Variants in FAM107B observed in about 807,000 individuals in gnomAD.
FAM107B encodes family with sequence similarity 107 member B, also known as protein FAM107B.
Under a neutral mutation model 31.5 loss-of-function variants are expected in FAM107B, and 21 were observed. The observed-to-expected ratio is 0.67, with a 90% CI of 0.47 to 0.96. The LOEUF is 0.96. Ranked by LOEUF, FAM107B falls within the 40% of genes least tolerant of loss-of-function variation. FAM107B has a pLI of 0.00. For missense variants in FAM107B, 452 were observed against 377.1 expected, an observed-to-expected ratio of 1.20 and a Z score of -1.64; for synonymous variants, 157 against 141.5, an observed-to-expected ratio of 1.11 and a Z score of -0.78.
rs1370724780 is a variant in FAM107B, at chr10:14,604,417, G to T, written c.469+63217C>A. 10 of 202,738 alleles carry T rather than the reference G, an allele frequency of 4.9e-5. No individual in the cohort carries two copies. The East Asian group carries it at 1.7e-3, about 35-fold the overall frequency. The allele number at this position is 202,738 out of a possible 1,614,324, so 12.6% of individuals were successfully genotyped here. On this transcript the variant is annotated intron_variant, in intron 2 of 4. Transcript: ENST00000181796. Reference sequence around the variant, plus strand: ...GGCGGCTCTCGCTCCCCGCGGCCCCGCGCGTCCGAATTAAGCGGCGGGGCG... The same window carrying T: ...GGCGGCTCTCGCTCCCCGCGGCCCCTCGCGTCCGAATTAAGCGGCGGGGCG...
chr10:14,591,126 G>C (rs1564590361), intron 2 of FAM107B, among the ~76,000 whole-genome samples: 1 of 151,958 alleles, frequency 6.6e-6, no homozygotes, highest in Non-Finnish European at 1.5e-5. Flanking sequence ...AAAAGACTGA[G>C]CATGAATGTC....
chr10:14,754,504 G>T (rs1445520388), intron 1 of FAM107B, among the ~76,000 whole-genome samples: 1 of 152,144 alleles, frequency 6.6e-6, no homozygotes, highest in Non-Finnish European at 1.5e-5. Flanking sequence ...CCCTCTCCCT[G>T]CTCATCTCTC....
chr10:14,595,864 G>A (rs540123096), intron 2 of FAM107B, among the ~76,000 whole-genome samples: 1 of 152,250 alleles, frequency 6.6e-6, no homozygotes, highest in Admixed American at 6.5e-5. Flanking sequence ...CATCTCACCA[G>A]CGGCACCCCG....
At chr10:14,593,377 AG>A (rs1852081151) in intron 2 of FAM107B, among the ~76,000 whole-genome samples, 1 of 152,212 alleles carries the variant, frequency 6.6e-6, no homozygotes, top group Admixed American at 6.5e-5. Context: ...GGTAGAACCC[AG>A]TGTAACACTA....
intron 2 of FAM107B, among the ~76,000 whole-genome samples, chr10:14,593,563 G>A (rs1016831587): frequency 1.3e-5 from 2 of 151,774 alleles, no homozygotes; most frequent in South Asian, 2.1e-4. Context: ...GCACAGTGGC[G>A]GGCACCTGTA....
chr10:14,743,712 T>C (rs1332789892), intron 1 of FAM107B, among the ~76,000 whole-genome samples: 3 of 152,236 alleles, frequency 2.0e-5, no homozygotes, highest in African/African-American at 7.2e-5. Context: ...CATTGGTCTA[T>C]GTGTCTGTTT....
rs148660541 is a variant in FAM107B, at chr10:14,620,146, G to A, written c.469+47488C>T. Reference sequence around the variant, plus strand: ...CCATTCTCCTGCCTCAGCCTCCTGGGTAGCTGGGACTACAGGCGCGTGCCA... The same window carrying A: ...CCATTCTCCTGCCTCAGCCTCCTGGATAGCTGGGACTACAGGCGCGTGCCA... On this transcript the variant is annotated intron_variant, in intron 2 of 4. Coordinates refer to ENST00000181796, the MANE Select transcript of FAM107B (RefSeq NM_031453.4). 7.5e-3 allele frequency among the ~76,000 whole-genome samples: 1,130 copies of A among 151,658 alleles called. 8 individuals are homozygous for A. The highest frequency in any genetic ancestry group is 0.026 in the African/African-American group (1,093 of 41,342).
intron 2 of FAM107B, among the ~76,000 whole-genome samples, chr10:14,562,827 A>G (rs184639840): frequency 6.6e-6 from 1 of 152,376 alleles, no homozygotes; most frequent in African/African-American, 2.4e-5. Flanking sequence ...AGTCGATTGC[A>G]TGCTAATTTC....
chr10:14,522,854 G>A (rs989998535), intron 3 of FAM107B, among the ~76,000 whole-genome samples: 10 of 152,260 alleles, frequency 6.6e-5, no homozygotes, highest in African/African-American at 1.2e-4. Context: ...AGGTTATACC[G>A]TTACTGAAGG....
chr10:14,751,981 C>A (rs1832836438), intron 1 of FAM107B, among the ~76,000 whole-genome samples: 1 of 152,190 alleles, frequency 6.6e-6, no homozygotes, highest in South Asian at 2.1e-4. Flanking sequence ...TAATCCATGG[C>A]ACCTCCCTTG....
chr10:14,592,478 AGACAACACCTAACAGGT>A (rs1852053221), intron 2 of FAM107B, among the ~76,000 whole-genome samples: 1 of 152,242 alleles, frequency 6.6e-6, no homozygotes, highest in Non-Finnish European at 1.5e-5. Context: ...GGAGAAAAAG[AGACAACACCTAACAGGT>A]GGCTTAGATT....
intron 2 of FAM107B, chr10:14,572,298 T>C (rs1851286006): frequency 1.0e-6 from 1 of 985,478 alleles, no homozygotes; most frequent in South Asian, 4.7e-5. Context: ...TCAGCTCCTC[T>C]ACTTGTAAGC....
intron 2 of FAM107B, among the ~76,000 whole-genome samples, chr10:14,655,436 T>C (rs1289745624): frequency 6.6e-6 from 1 of 152,252 alleles, no homozygotes; most frequent in African/African-American, 2.4e-5. Context: ...TTGTTTTGTT[T>C]TGTGACGGAG....
chr10:14,643,003 G>C (rs1853666465), intron 2 of FAM107B, among the ~76,000 whole-genome samples: 1 of 152,090 alleles, frequency 6.6e-6, no homozygotes, highest in African/African-American at 2.4e-5. Context: ...CAATTCCAAA[G>C]CCATTTCCAC....
At chr10:14,737,610 C>G (rs561522989) in intron 1 of FAM107B, among the ~76,000 whole-genome samples, 1 of 147,688 alleles carries the variant, frequency 6.8e-6, no homozygotes, top group Admixed American at 6.7e-5. Flanking sequence ...AGAGACTCGG[C>G]CTCCAAAACA....
At chr10:14,697,677 C>A (rs1855298964) in intron 1 of FAM107B, among the ~76,000 whole-genome samples, 1 of 152,208 alleles carries the variant, frequency 6.6e-6, no homozygotes, top group Non-Finnish European at 1.5e-5. Flanking sequence ...GTGCTCAGAC[C>A]TATACAGCTG....
chr10:14,658,795 C>T (rs1352539154), intron 2 of FAM107B, among the ~76,000 whole-genome samples: 1 of 152,208 alleles, frequency 6.6e-6, no homozygotes, highest in South Asian at 2.1e-4. Context: ...AGGCTCCATC[C>T]TAGGCATTCA....
chr10:14,521,236 T>C lies in FAM107B; in HGVS notation c.875A>G (p.Asn292Ser), dbSNP rs779573515. 29 of 1,614,174 alleles carry C rather than the reference T, an allele frequency of 1.8e-5. No individual in the cohort carries two copies. Among genetic ancestry groups the C allele is most frequent in the Non-Finnish European group, 2.4e-5 (28 of 1,180,014 alleles). ...GACTTCTTGGCCTGTTCTCCTGAGA[T>C]TGCCTTTCACCTTCACAAACTCGGG... ...NAPEFVKVKG[N>S]LRRTGQEVAQ... The change falls in exon 5 of 5, where the codon AAT (asparagine) becomes AGT (serine). Residue 292 changes from asparagine to serine, a missense_variant. Asn to Ser is a conservative substitution (Grantham distance 46, BLOSUM62 1). Coordinates refer to ENST00000181796, the MANE Select transcript of FAM107B (RefSeq NM_031453.4).
At chr10:14,544,333 C>T (rs1848510038) in intron 2 of FAM107B, among the ~76,000 whole-genome samples, 1 of 152,172 alleles carries the variant, frequency 6.6e-6, no homozygotes, top group South Asian at 2.1e-4. Context: ...CAGCATCATT[C>T]AGTTAATTCA....
Sources: gnomAD v4.1 joint callset for allele counts (sites outside exome capture counted in the v4.1 genomes callset) on GRCh38, gnomAD v4.1.1 for gene constraint, MANE v1.5 for transcripts, NCBI Gene and HGNC (gene_info 2026-07-23, HGNC 2026-07-21) for gene names.